MAP4: variants seen among roughly 807,000 people sequenced by gnomAD.
MAP4 encodes microtubule associated protein 4, also known as microtubule-associated protein 4.
In MAP4, 76 loss-of-function variants were observed where a neutral mutation model predicts 170.2. The observed-to-expected ratio is 0.45, with a 90% CI of 0.37 to 0.54. The LOEUF is 0.54. MAP4 is among the 20% of genes least tolerant of loss of function. The pLI, the probability that MAP4 is intolerant of heterozygous loss-of-function variation, is 0.00. For missense variants in MAP4, 2,506 were observed against 2,748.0 expected, an observed-to-expected ratio of 0.91 and a Z score of 1.97; for synonymous variants, 909 against 994.5, an observed-to-expected ratio of 0.91 and a Z score of 1.62.
intron 1 of MAP4, among the ~76,000 whole-genome samples, chr3:48,075,545 A>T (rs757781961): frequency 6.6e-6 from 1 of 152,058 alleles, no homozygotes; most frequent in African/African-American, 2.4e-5. Flanking sequence ...AAAGTCCAGA[A>T]ATAAGCCCAC....
intron 3 of MAP4, among the ~76,000 whole-genome samples, chr3:47,930,212 G>A (rs529266062): frequency 1.6e-4 from 24 of 151,572 alleles, no homozygotes; most frequent in East Asian, 7.9e-4. Flanking sequence ...TTGGGAGGCC[G>A]AGGCGGGTGG....
rs775565902 is a variant in MAP4, at chr3:47,909,064, T to C, written c.5357A>G (p.Glu1786Gly). Residue 1786 changes from glutamate to glycine, a missense_variant, in exon 9 of 21, where the codon GAG (glutamate) becomes GGG (glycine). By Grantham distance (98) the Glu-to-Gly change is moderately conservative. This residue lies in a region of MAP4 where 2,008 missense variants were observed against 2,206.0 expected (regional missense o/e 0.91). Coordinates refer to ENST00000683076, the MANE Select transcript of MAP4 (RefSeq NM_001385682.1). ...AGCGGACTTCAGTTGCTTATGTCTC[T>C]CTTGTTCCTGGATTGTAGACTTTGG... ...LLPKSTIQEQ[E>G]RHKQLKSAVC... The C allele has an allele frequency of 1.9e-6, 3 of 1,613,764 alleles. No homozygotes were observed. Among genetic ancestry groups the C allele is most frequent in the Non-Finnish European group, 2.5e-6 (3 of 1,179,812 alleles).
intron 17 of MAP4, among the ~76,000 whole-genome samples, chr3:47,859,649 A>G (rs556753602): frequency 4.6e-5 from 7 of 152,304 alleles, no homozygotes; most frequent in African/African-American, 1.7e-4. Flanking sequence ...TCTTGAAGGG[A>G]CACCACCAGG....
intron 3 of MAP4, among the ~76,000 whole-genome samples, chr3:47,930,631 C>T (rs913759484): frequency 1.3e-5 from 2 of 151,846 alleles, no homozygotes; most frequent in Non-Finnish European, 2.9e-5. Flanking sequence ...ATAAACAACT[C>T]AATTTAAAAC....
At chr3:47,865,062 T>A (rs1354468806) in intron 17 of MAP4, among the ~76,000 whole-genome samples, 2 of 152,144 alleles carry the variant, frequency 1.3e-5, no homozygotes, top group African/African-American at 4.8e-5. Flanking sequence ...TCTCCCTAAT[T>A]CTCTGTTTAA....
chr3:47,918,821 C>T lies in MAP4; in HGVS notation c.550G>A (p.Ala184Thr). 1 of 1,613,182 alleles carries T rather than the reference C, an allele frequency of 6.2e-7. No individual in the cohort carries two copies. The highest frequency in any genetic ancestry group is 8.5e-7 in the Non-Finnish European group (1 of 1,179,260). ...ACAGACCACCCCTGAGGTACAACAGCTGTGTTGCAGGGAGACATACCTAAT... is the reference window on the plus strand; with the variant it reads ...ACAGACCACCCCTGAGGTACAACAGTTGTGTTGCAGGGAGACATACCTAAT... ...DSYGMSPCNT[A>T]VVPQGWSVEA... Residue 184 changes from alanine (A) to threonine (T), a missense_variant, in exon 6 of 21, where the codon GCT (alanine) becomes ACT (threonine). Ala to Thr is a moderately conservative substitution (Grantham distance 58). Around this residue, in one of 3 missense-constraint regions of MAP4, gnomAD observed 2,008 missense variants for 2,206.0 expected, o/e 0.91. Coordinates refer to ENST00000683076, the MANE Select transcript of MAP4 (RefSeq NM_001385682.1).
intron 8 of MAP4, among the ~76,000 whole-genome samples, chr3:47,913,551 C>G (rs1013049880): frequency 2.6e-5 from 4 of 152,154 alleles, no homozygotes; most frequent in Non-Finnish European, 5.9e-5. Context: ...TGCCTGAGAA[C>G]TTATCTCTTC....
chr3:48,038,353 G>T (rs2100119886), intron 1 of MAP4, among the ~76,000 whole-genome samples: 1 of 150,826 alleles, frequency 6.6e-6, no homozygotes, highest in African/African-American at 2.4e-5. Context: ...CACCATCCAT[G>T]GCAAAAAAAA....
upstream of MAP4, among the ~76,000 whole-genome samples, chr3:48,020,894 G>A (rs940713453): frequency 6.6e-6 from 1 of 151,786 alleles, no homozygotes; most frequent in Non-Finnish European, 1.5e-5. Flanking sequence ...AAGCTCCTGG[G>A]CTCAAGCGAT....
At chr3:48,087,369 T>C (rs2100149609) in intron 1 of MAP4, among the ~76,000 whole-genome samples, 1 of 152,166 alleles carries the variant, frequency 6.6e-6, no homozygotes, top group East Asian at 1.9e-4. Context: ...TCTAAATCCA[T>C]GTGCTCAGCT....
chr3:47,911,585 C>A lies in MAP4; in HGVS notation c.2836G>T (p.Glu946Ter). Residue 946 changes from glutamate to a stop codon, truncating the protein, a stop_gained, in exon 9 of 21, where the codon GAG (glutamate) becomes TAG (stop). Coordinates refer to ENST00000683076, the MANE Select transcript of MAP4 (RefSeq NM_001385682.1). LOFTEE classifies it high-confidence loss of function. This position sits in a 1 kb window ranked among gnomAD's most constrained non-coding sequence, Gnocchi z 4.0. ...TGGTCCAAGAAAGGAGAGCAACCCT[C>A]TTTAAGTCTGATATCCAAAGGGGTT... ...VETPLDIRLK[E>*]GCSPFLDQEV... 1 of 1,536,158 alleles carries A rather than the reference C, an allele frequency of 6.5e-7. No homozygotes were observed. Among genetic ancestry groups the A allele is most frequent in the East Asian group, 2.4e-5 (1 of 40,920 alleles).
At chr3:47,986,500 C>G (rs1024676146) in intron 2 of MAP4, among the ~76,000 whole-genome samples, 1 of 152,012 alleles carries the variant, frequency 6.6e-6, no homozygotes, top group Non-Finnish European at 1.5e-5. Flanking sequence ...GCCACCACAC[C>G]TGGCTAATTT....
rs545834936 is a variant in MAP4, at chr3:48,062,684, A to C, written c.-20+26089T>G. Among the ~76,000 whole-genome samples the C allele has an allele frequency of 3.3e-5, 5 of 151,852 alleles. No homozygotes were observed. In the South Asian group the frequency reaches 1.0e-3, roughly 31 times the overall value. ...ACGCCTGTAATCCCAGCACTTTGGGAGGCTGAGGCGGGCAGATCACCTGAG... is the reference window on the plus strand; with the variant it reads ...ACGCCTGTAATCCCAGCACTTTGGGCGGCTGAGGCGGGCAGATCACCTGAG... On this transcript the variant is annotated intron_variant, in intron 1 of 18. Coordinates refer to the MAP4 transcript ENST00000360240.
At chr3:47,964,708 A>T (rs1201077895) in intron 3 of MAP4, among the ~76,000 whole-genome samples, 1 of 152,232 alleles carries the variant, frequency 6.6e-6, no homozygotes, top group Non-Finnish European at 1.5e-5. Context: ...AGCAATGTTG[A>T]CATATTTGTG....
intron 1 of MAP4, among the ~76,000 whole-genome samples, chr3:48,024,167 G>T (rs1304558176): frequency 6.6e-6 from 1 of 152,046 alleles, no homozygotes; most frequent in Non-Finnish European, 1.5e-5. Context: ...AAAATTAGCT[G>T]GGCGTGGTGG....
intron 10 of MAP4, among the ~76,000 whole-genome samples, chr3:47,900,495 T>C (rs889453796): frequency 2.0e-5 from 3 of 152,130 alleles, no homozygotes; most frequent in Non-Finnish European, 2.9e-5. Flanking sequence ...ATCCCAGCAC[T>C]TTGGGAGGCT....
chr3:48,036,187 A>G (rs143986792), intron 1 of MAP4, among the ~76,000 whole-genome samples: 1 of 152,310 alleles, frequency 6.6e-6, no homozygotes, highest in African/African-American at 2.4e-5. Flanking sequence ...AGCAAGCTCT[A>G]TGCAAAGCAA....
intron 7 of MAP4, among the ~76,000 whole-genome samples, 175 bp from the exon 8 acceptor site, chr3:47,915,114 C>CTT (rs367574892): frequency 4.3e-5 from 6 of 138,996 alleles, no homozygotes; most frequent in East Asian, 2.1e-4. Context: ...AGTTATGTTA[C>CTT]TTTTTTTTTT....
intron 1 of MAP4, among the ~76,000 whole-genome samples, chr3:48,036,413 A>G (rs943603150): frequency 2.6e-5 from 4 of 152,190 alleles, no homozygotes; most frequent in Non-Finnish European, 5.9e-5. Context: ...TTAAGCATTC[A>G]TCTCCTATTA....
Sources: gnomAD v4.1 joint callset for allele counts (sites outside exome capture counted in the v4.1 genomes callset) on GRCh38, gnomAD v4.1.1 for gene constraint, gnomAD v4.1.1 regional missense constraint, Gnocchi (gnomAD v3.1) non-coding constraint, MANE v1.5 for transcripts, NCBI Gene and HGNC (gene_info 2026-07-23, HGNC 2026-07-21) for gene names.